Variants in ABLIM1 observed in about 807,000 individuals in gnomAD.
The protein encoded by ABLIM1 is actin-binding LIM protein 1.
Under a neutral mutation model 107.0 loss-of-function variants are expected in ABLIM1, and 40 were observed. The ratio of observed to expected loss-of-function variants is 0.37; its 90% CI spans 0.29 to 0.49. The LOEUF is 0.49. ABLIM1 is among the 20% of genes least tolerant of loss of function. The pLI, the probability that ABLIM1 is intolerant of heterozygous loss-of-function variation, is 0.97. For missense variants in ABLIM1, 857 were observed against 1,008.5 expected, an observed-to-expected ratio of 0.85 and a Z score of 2.04; for synonymous variants, 357 against 357.3, an observed-to-expected ratio of 1.00 and a Z score of 0.01.
At chr10:114,590,189 T>C (rs1172578295) in intron 2 of ABLIM1, among the ~76,000 whole-genome samples, 3 of 152,212 alleles carry the variant, frequency 2.0e-5, no homozygotes, top group African/African-American at 4.8e-5. Flanking sequence ...CAGTAGGCTA[T>C]ACCAGCTAGG....
chr10:114,713,399 T>G (rs988298046), intron 1 of ABLIM1, among the ~76,000 whole-genome samples: 2 of 152,138 alleles, frequency 1.3e-5, no homozygotes, highest in Non-Finnish European at 1.5e-5. Flanking sequence ...AATAGCATAG[T>G]TTTTAAGTTC....
chr10:114,735,433 T>C (rs919918102), intron 1 of ABLIM1, among the ~76,000 whole-genome samples: 12 of 152,182 alleles, frequency 7.9e-5, no homozygotes, highest in African/African-American at 2.7e-4. Flanking sequence ...GCCAATCCCA[T>C]GGTTTTTTTG....
At chr10:114,578,781 T>C (rs2072966992) in intron 2 of ABLIM1, among the ~76,000 whole-genome samples, 1 of 93,158 alleles carries the variant, frequency 1.1e-5, no homozygotes, top group African/African-American at 3.8e-5. Context: ...TCTTTCTTTC[T>C]TTTCTTTTTT....
At chr10:114,491,005 T>TATATATATATATATATATATATATATG (rs2058864615) in intron 7 of ABLIM1, among the ~76,000 whole-genome samples, 1 of 109,272 alleles carries the variant, frequency 9.2e-6, no homozygotes, top group African/African-American at 4.2e-5. Context: ...TGTGTGTGTG[T>TATATATATATATATATATATATATATG]GTGTGTGTAT....
chr10:114,636,622 A>G (rs1038810436), intron 1 of ABLIM1, among the ~76,000 whole-genome samples: 1 of 152,214 alleles, frequency 6.6e-6, no homozygotes, highest in African/African-American at 2.4e-5. Context: ...GTATTTTAAG[A>G]AGTACAAGGC....
rs926795498 is a variant in ABLIM1 at position 114,469,150 on chromosome 10, T to C, written c.1276-934A>G. Among the ~76,000 whole-genome samples, 5 of 152,126 alleles carry C rather than the reference T, an allele frequency of 3.3e-5. No homozygotes were observed. In the South Asian group the frequency reaches 1.0e-3, roughly 31 times the overall value. On this transcript the variant is annotated intron_variant, in intron 10 of 22. Transcript: ENST00000533213. ...AAGTTGGAACCATTTCCCTTATATA[T>C]TCAAACTACGCTCATTTTACTATGA...
In ABLIM1 at chr10:114,434,952, G is replaced by A. The variant is rs1189637397; in HGVS notation, c.*1308C>T. 6.6e-6 allele frequency: 1 copy of A among 152,136 alleles called. No individual in the cohort carries two copies. The highest frequency in any genetic ancestry group is 1.5e-5 in the Non-Finnish European group (1 of 68,040). 9.4% of individuals were successfully genotyped at this position (152,136 alleles called of 1,614,324 possible). A position where few individuals can be genotyped will look rare whatever the true frequency, so the allele number is the denominator to read the frequency against. ...GAAGTGATGTTGGGGTCGCAGTTTA[G>A]CCTCACTCTTGATCTTTGAGTCACA... On this transcript the variant is annotated 3_prime_UTR_variant, in exon 23 of 23. Transcript: ENST00000533213.
At chr10:114,614,395 T>C (rs1591594486) in intron 1 of ABLIM1, among the ~76,000 whole-genome samples, 4 of 152,244 alleles carry the variant, frequency 2.6e-5, no homozygotes, top group South Asian at 4.1e-4. Context: ...GAGGTTGCAG[T>C]GGGCTGAGAT....
intron 4 of ABLIM1, 126 bp from the exon 5 acceptor site, chr10:114,547,902 G>A (rs1591100982): frequency 3.8e-6 from 5 of 1,298,822 alleles, no homozygotes; most frequent in East Asian, 5.1e-5. Flanking sequence ...GCACCATCTC[G>A]GGTCAGTTTC....
At chr10:114,769,457 AAG>A (rs1478250138), upstream of ABLIM1, among the ~76,000 whole-genome samples, 2 of 94,464 alleles carry the variant, frequency 2.1e-5, no homozygotes, top group African/African-American at 7.3e-5. Context: ...GAAAGAAAGA[AAG>A]AAAGAAAGAA....
intron 1 of ABLIM1, among the ~76,000 whole-genome samples, chr10:114,708,783 C>A (rs145102798): frequency 2.4e-3 from 363 of 152,252 alleles, no homozygotes; most frequent in African/African-American, 8.1e-3. Context: ...GCTTGATAAA[C>A]TTTGCACCAA....
intron 19 of ABLIM1, among the ~76,000 whole-genome samples, chr10:114,440,665 T>G (rs1418028748): frequency 6.6e-6 from 1 of 152,118 alleles, no homozygotes; most frequent in East Asian, 1.9e-4. Context: ...CCCACTTTGT[T>G]GCCCAACCTA....
At chr10:114,545,427 G>C (rs752447706) in intron 5 of ABLIM1, among the ~76,000 whole-genome samples, 1 of 152,198 alleles carries the variant, frequency 6.6e-6, no homozygotes, top group African/African-American at 2.4e-5. Context: ...CCCTGGGCAC[G>C]TAGGAGTACT....
At chr10:114,460,164 A>G (rs1565355062) in intron 12 of ABLIM1, among the ~76,000 whole-genome samples, 1 of 152,086 alleles carries the variant, frequency 6.6e-6, no homozygotes, top group Non-Finnish European at 1.5e-5. Context: ...CCTGGGGAGG[A>G]GGGGGCCTGG....
At chr10:114,738,857 G>T (rs1035737346) in intron 1 of ABLIM1, among the ~76,000 whole-genome samples, 2 of 152,142 alleles carry the variant, frequency 1.3e-5, no homozygotes, top group East Asian at 3.8e-4. Flanking sequence ...GAGTGGTCAG[G>T]ATGCACAAGG....
chr10:114,453,076 A>C (rs892977666), intron 13 of ABLIM1, among the ~76,000 whole-genome samples: 1 of 152,264 alleles, frequency 6.6e-6, no homozygotes, highest in African/African-American at 2.4e-5. Context: ...AAGATATCTC[A>C]GAAGGCAATG....
In ABLIM1 at chr10:114,484,633, T is replaced by C. The variant is rs147815593; in HGVS notation, c.1041+3325A>G. 2.2e-3 allele frequency among the ~76,000 whole-genome samples: 333 copies of C among 152,296 alleles called. 3 individuals are homozygous for C. The highest frequency in any genetic ancestry group is 6.8e-3 in the Middle Eastern group (2 of 294). On this transcript the variant is annotated intron_variant, in intron 8 of 22. Coordinates refer to ENST00000533213, the MANE Select transcript of ABLIM1 (RefSeq NM_002313.7). ...CCTGATCTCAAGTGATCTGCCTGCC[T>C]CGGTCTCCCAAAGTGCTGGGATTAC...
intron 1 of ABLIM1, among the ~76,000 whole-genome samples, chr10:114,737,838 C>T (rs1284980830): frequency 6.6e-6 from 1 of 152,122 alleles, no homozygotes; most frequent in Non-Finnish European, 1.5e-5. Flanking sequence ...ATTAATGTTT[C>T]ACCAGCATCA....
the ABLIM1 span, among the ~76,000 whole-genome samples, chr10:114,773,156 C>A: frequency 6.6e-6 from 1 of 151,798 alleles, no homozygotes; most frequent in Non-Finnish European, 1.5e-5. Context: ...GAAAAGACTA[C>A]ATTTGAAGGA....
Sources: allele counts gnomAD v4.1 joint callset (sites outside exome capture counted in the v4.1 genomes callset), GRCh38; gene constraint gnomAD v4.1.1; transcripts MANE v1.5; gene names NCBI Gene and HGNC (gene_info 2026-07-23, HGNC 2026-07-21).